Variants in SLX4IP observed in about 807,000 individuals in gnomAD.
SLX4IP encodes protein SLX4IP.
A neutral mutation model predicts 32.9 loss-of-function variants in SLX4IP; 34 were observed. The observed-to-expected ratio is 1.03, with a 90% CI of 0.79 to 1.38. The LOEUF (loss-of-function observed/expected upper bound fraction) is 1.38, where lower values mean the gene tolerates loss of function less well. SLX4IP is among the 40% of genes most tolerant of loss of function. The pLI, the probability that SLX4IP is intolerant of heterozygous loss-of-function variation, is 0.00. For synonymous variants in SLX4IP, 172 were observed against 171.7 expected, an observed-to-expected ratio of 1.00 and a Z score of -0.01; for missense variants, 444 against 479.0, an observed-to-expected ratio of 0.93 and a Z score of 0.68.
rs114414970 is a variant in SLX4IP, at chr20:10,610,475, A to C, written c.405+8656A>C. Among the ~76,000 whole-genome samples the C allele has an allele frequency of 2.6e-3, 393 of 152,334 alleles. 4 individuals carry two copies. Among genetic ancestry groups the C allele is most frequent in the African/African-American group, 8.9e-3 (369 of 41,572 alleles). ...TCAGAGGACGGACTCTGGGCCAGACACGTGTGGAATGAAGGCTTGCCCCTC... is the reference window on the plus strand; with the variant it reads ...TCAGAGGACGGACTCTGGGCCAGACCCGTGTGGAATGAAGGCTTGCCCCTC... On this transcript the variant is annotated intron_variant, in intron 6 of 7. Transcript: ENST00000334534.
At chr20:10,499,122 C>G (rs746808757) in intron 2 of SLX4IP, among the ~76,000 whole-genome samples, 27 of 152,124 alleles carry the variant, frequency 1.8e-4, no homozygotes, top group Non-Finnish European at 3.2e-4. Flanking sequence ...TTATTAACTT[C>G]TTTAATGACA....
At chr20:10,440,583 G>A (rs2065153068) in intron 1 of SLX4IP, among the ~76,000 whole-genome samples, 1 of 152,030 alleles carries the variant, frequency 6.6e-6, no homozygotes, top group Non-Finnish European at 1.5e-5. Flanking sequence ...AACCACTATC[G>A]AAATCAGCAC....
intron 1 of SLX4IP, among the ~76,000 whole-genome samples, chr20:10,457,628 T>G (rs764856732): frequency 2.6e-5 from 4 of 152,112 alleles, no homozygotes; most frequent in Non-Finnish European, 4.4e-5. Context: ...TGTTGAGAAT[T>G]TTTGTGTCTT....
intron 4 of SLX4IP, among the ~76,000 whole-genome samples, chr20:10,562,027 A>G (rs147559560): frequency 1.2e-4 from 19 of 152,236 alleles, no homozygotes; most frequent in South Asian, 4.1e-4. Context: ...CGGGCAGTTC[A>G]TAGGAAGCAT....
intron 3 of SLX4IP, among the ~76,000 whole-genome samples, chr20:10,560,014 T>C (rs2066313442): frequency 6.6e-6 from 1 of 152,220 alleles, no homozygotes; most frequent in Admixed American, 6.5e-5. Context: ...TAATGAATGA[T>C]GGTGTTTAGA....
At chr20:10,478,915 C>T (rs1277091139) in intron 2 of SLX4IP, among the ~76,000 whole-genome samples, 2 of 152,124 alleles carry the variant, frequency 1.3e-5, no homozygotes, top group Non-Finnish European at 2.9e-5. Flanking sequence ...AGATGGTATG[C>T]AAAGAGGGAA....
intron 2 of SLX4IP, among the ~76,000 whole-genome samples, chr20:10,488,375 A>C (rs2065592196): frequency 6.6e-6 from 1 of 152,178 alleles, no homozygotes; most frequent in South Asian, 2.1e-4. Flanking sequence ...ACCAGGAGCT[A>C]GGAGAAGAGG....
chr20:10,474,599 G>GATCATGGTTAGCCCCAGAAGGAA (rs1692156224), intron 2 of SLX4IP, among the ~76,000 whole-genome samples: 1 of 152,128 alleles, frequency 6.6e-6, no homozygotes, highest in Non-Finnish European at 1.5e-5. Context: ...GTCAAATAAG[G>GATCATGGTTAGCCCCAGAAGGAA]ATCATGGTTA....
In SLX4IP at chr20:10,534,090, G is replaced by T. The variant is rs113562272; in HGVS notation, c.28-22141G>T. On this transcript the variant is annotated intron_variant, in intron 2 of 7. Coordinates refer to ENST00000334534, the MANE Select transcript of SLX4IP (RefSeq NM_001009608.3). Reference sequence around the variant, plus strand: ...TTGTCTCAGCCGAGGCAGGGTGAGGGTGGTGGGTCACTTCTGCCAGAGCCC... The same window carrying T: ...TTGTCTCAGCCGAGGCAGGGTGAGGTTGGTGGGTCACTTCTGCCAGAGCCC... 3.6e-3 allele frequency among the ~76,000 whole-genome samples: 551 copies of T among 152,252 alleles called. 1 individual carries two copies. Among genetic ancestry groups the T allele is most frequent in the Non-Finnish European group, 5.7e-3 (391 of 68,016 alleles).
At chr20:10,452,214 T>C (rs1343602095) in intron 1 of SLX4IP, among the ~76,000 whole-genome samples, 12 of 151,902 alleles carry the variant, frequency 7.9e-5, no homozygotes. Context: ...GTTCTTCAGT[T>C]TGGGGCAGAG....
chr20:10,493,881 T>TTTTTTTTTTTTTTTTG (rs2065646151), intron 2 of SLX4IP, among the ~76,000 whole-genome samples: 1 of 147,368 alleles, frequency 6.8e-6, no homozygotes, highest in African/African-American at 2.5e-5. Context: ...TTTTTTTTTT[T>TTTTTTTTTTTTTTTTG]GAGTCAGGGT....
chr20:10,622,186 C>T (rs1435003658), intron 7 of SLX4IP, among the ~76,000 whole-genome samples: 1 of 152,100 alleles, frequency 6.6e-6, no homozygotes. Context: ...AACCTGATAC[C>T]AGCTAAATGG....
chr20:10,621,373 TCCTC>T lies in SLX4IP; in HGVS notation c.468_471del (p.Pro157ValfsTer9). The T allele has an allele frequency of 6.2e-7, 1 of 1,614,160 alleles. No homozygotes were observed. Among genetic ancestry groups the T allele is most frequent in the Non-Finnish European group, 8.5e-7 (1 of 1,180,034 alleles). On this transcript the variant is annotated frameshift_variant, in exon 7 of 8. Coordinates refer to ENST00000334534, the MANE Select transcript of SLX4IP (RefSeq NM_001009608.3). LOFTEE classifies it high-confidence loss of function. The stretch of plus-strand genomic sequence containing the variant: ...TTGCTGAGTGTGCAGAGAGTTCACT[TCCTC>T]CCAGTGCAAAGCTCCGGAGAAATGC...
At chr20:10,574,499 A>T (rs951728156) in intron 4 of SLX4IP, among the ~76,000 whole-genome samples, 1 of 152,156 alleles carries the variant, frequency 6.6e-6, no homozygotes, top group African/African-American at 2.4e-5. Flanking sequence ...TTACAATGCC[A>T]GTTCTGATGG....
rs116428968 is a variant in SLX4IP, at chr20:10,542,977, T to A, written c.28-13254T>A. On this transcript the variant is annotated intron_variant, in intron 2 of 7. Coordinates refer to ENST00000334534, the MANE Select transcript of SLX4IP (RefSeq NM_001009608.3). ...ACCAAGACCAGGGTCGAGGAAAAAG[T>A]TGTTCACCATCCCCATCCAGGTTGC... Among the ~76,000 whole-genome samples, 1,414 of 152,328 alleles carry A rather than the reference T, an allele frequency of 9.3e-3. 26 individuals are homozygous for A. Among genetic ancestry groups the A allele is most frequent in the African/African-American group, 0.032 (1,336 of 41,570 alleles).
intron 2 of SLX4IP, among the ~76,000 whole-genome samples, chr20:10,502,665 C>T (rs2065728976): frequency 6.6e-6 from 1 of 151,842 alleles, no homozygotes; most frequent in African/African-American, 2.4e-5. Flanking sequence ...CCTTGACCAC[C>T]CCATTTACTC....
chr20:10,443,765 A>T (rs531139296), intron 1 of SLX4IP, among the ~76,000 whole-genome samples: 1 of 152,216 alleles, frequency 6.6e-6, no homozygotes, highest in East Asian at 1.9e-4. Flanking sequence ...GTTGAAGGTG[A>T]TTGTTCATGG....
At chr20:10,491,213 T>C (rs1168591904) in intron 2 of SLX4IP, among the ~76,000 whole-genome samples, 2 of 152,230 alleles carry the variant, frequency 1.3e-5, no homozygotes, top group Non-Finnish European at 2.9e-5. Context: ...CTTGTACTTA[T>C]TTCGCAGTTT....
intron 2 of SLX4IP, among the ~76,000 whole-genome samples, chr20:10,510,071 T>A (rs571786517): frequency 1.8e-4 from 28 of 152,322 alleles, no homozygotes; most frequent in Admixed American, 5.2e-4. Context: ...ATTGAAAAAG[T>A]CACTGGTCAT....
Sources: gnomAD v4.1 joint callset for allele counts (sites outside exome capture counted in the v4.1 genomes callset) on GRCh38, gnomAD v4.1.1 for gene constraint, MANE v1.5 for transcripts, NCBI Gene and HGNC (gene_info 2026-07-23, HGNC 2026-07-21) for gene names.